The following DYSF variants were observed in gnomAD, a reference collection of about 807,000 sequenced individuals.
DYSF encodes the protein dysferlin.
Under a neutral mutation model 274.9 loss-of-function variants are expected in DYSF, and 212 were observed. The ratio of observed to expected loss-of-function variants is 0.77; its 90% confidence interval spans 0.69 to 0.86. The LOEUF is 0.86. Ranked by LOEUF, DYSF falls within the 40% of genes least tolerant of loss-of-function variation. DYSF has a pLI of 0.00. For missense variants in DYSF, 2,666 were observed against 2,783.2 expected, an observed-to-expected ratio of 0.96 and a Z score of 0.95; for synonymous variants, 1,091 against 1,078.7, an observed-to-expected ratio of 1.01 and a Z score of -0.22.
At chr2:71,594,647 A>G (rs922052825) in intron 32 of DYSF, among the ~76,000 whole-genome samples, 4 of 151,848 alleles carry the variant, frequency 2.6e-5, no homozygotes, top group African/African-American at 9.7e-5. Flanking sequence ...TGCTCCCTTC[A>G]TCCCCTCAGC....
At chr2:71,585,203 A>T (rs2093026160) in intron 30 of DYSF, among the ~76,000 whole-genome samples, 1 of 152,260 alleles carries the variant, frequency 6.6e-6, no homozygotes, top group South Asian at 2.1e-4. Flanking sequence ...CGCACAGGAC[A>T]GCCTCATAGC....
At chr2:71,639,022 C>T (rs904653229) in intron 41 of DYSF, among the ~76,000 whole-genome samples, 1 of 152,224 alleles carries the variant, frequency 6.6e-6, no homozygotes, top group African/African-American at 2.4e-5. Context: ...GATAGCCATT[C>T]TAGCAGGTGT....
Position 71,685,056 on chromosome 2 carries a change from G to A in DYSF, c.6322-1398G>A, listed in dbSNP as rs540475272. On this transcript the variant is annotated intron_variant, in intron 55 of 55. Coordinates refer to ENST00000410020, the MANE Select transcript of DYSF (RefSeq NM_001130987.2). ...GCCCCTGCCAGCTGCACCCTGCACTGCTAGGCTACTGGGCAGCAGATCTAG... is the reference window on the plus strand; with the variant it reads ...GCCCCTGCCAGCTGCACCCTGCACTACTAGGCTACTGGGCAGCAGATCTAG... Among the ~76,000 whole-genome samples the A allele has an allele frequency of 1.8e-3, 272 of 152,348 alleles. 1 individual carries two copies. The highest frequency in any genetic ancestry group is 8.7e-3 in the South Asian group (42 of 4,828).
intron 1 of DYSF, among the ~76,000 whole-genome samples, chr2:71,460,241 G>A (rs892629069): frequency 6.6e-6 from 1 of 152,202 alleles, no homozygotes; most frequent in Non-Finnish European, 1.5e-5. Context: ...CGTGGTCCAT[G>A]ATGGCGCACG....
At chr2:71,539,127 G>A (rs911077006) in intron 16 of DYSF, 30 bp from the exon 17 acceptor site, 4 of 1,603,206 alleles carry the variant, frequency 2.5e-6, no homozygotes, top group Non-Finnish European at 2.6e-6. Flanking sequence ...CCTTTCCTGT[G>A]TTCAGGCCCT....
chr2:71,569,225 C>A (rs957825480), intron 26 of DYSF, among the ~76,000 whole-genome samples: 1 of 152,142 alleles, frequency 6.6e-6, no homozygotes, highest in African/African-American at 2.4e-5. Flanking sequence ...TGGGTGTGGC[C>A]CCATCCTCAA....
chr2:71,503,551 C>T lies in DYSF; in HGVS notation c.345+232C>T, dbSNP rs79388826. Among the ~76,000 whole-genome samples the T allele has an allele frequency of 0.021, 3,199 of 152,224 alleles. 108 individuals are homozygous for T. The highest frequency in any genetic ancestry group is 0.07 in the African/African-American group (2,895 of 41,530). On this transcript the variant is annotated intron_variant, in intron 4 of 55. Coordinates refer to ENST00000410020, the MANE Select transcript of DYSF (RefSeq NM_001130987.2). ...TGCAGGGCTCAAGTCAGCCTTGGCT[C>T]GCAGCAGCTTGGCCTGCCCCTTGGT...
At chr2:71,501,877 G>A (rs1344086316) in intron 3 of DYSF, among the ~76,000 whole-genome samples, 5 of 152,122 alleles carry the variant, frequency 3.3e-5, no homozygotes, top group Non-Finnish European at 7.3e-5. Flanking sequence ...CAAATATCTA[G>A]GTCCCTGATT....
intron 33 of DYSF, among the ~76,000 whole-genome samples, chr2:71,600,150 A>ACAGATCTGTCTTCTGGGCGG (rs2093514351): frequency 6.6e-6 from 1 of 152,174 alleles, no homozygotes; most frequent in South Asian, 2.1e-4. Flanking sequence ...ATCCAGTGTG[A>ACAGATCTGTCTTCTGGGCGG]CAGATCTGTC....
intron 1 of DYSF, among the ~76,000 whole-genome samples, chr2:71,460,988 C>A (rs56988800): frequency 0.026 from 3,905 of 151,256 alleles, 85 homozygotes; most frequent in African/African-American, 0.058. Context: ...TTGTAATATC[C>A]AAAAGTCCCT....
intron 36 of DYSF, among the ~76,000 whole-genome samples, chr2:71,606,966 C>T (rs1445038749): frequency 3.3e-5 from 5 of 152,296 alleles, no homozygotes; most frequent in Non-Finnish European, 5.9e-5. Flanking sequence ...TCTTCCCCTT[C>T]AGTTATCCAT....
chr2:71,614,558 C>G (rs1308189592), intron 40 of DYSF, among the ~76,000 whole-genome samples: 1 of 152,192 alleles, frequency 6.6e-6, no homozygotes, highest in African/African-American at 2.4e-5. Flanking sequence ...GGAGTCTTTC[C>G]TGGCTCCTCT....
intron 1 of DYSF, 33 bp from the exon 2 acceptor site, chr2:71,480,850 G>A: frequency 6.2e-7 from 1 of 1,603,398 alleles, no homozygotes; most frequent in East Asian, 2.2e-5. Flanking sequence ...GGCGGGATGT[G>A]TCTCTCCATT....
intron 30 of DYSF, among the ~76,000 whole-genome samples, chr2:71,584,681 G>A (rs2093006796): frequency 6.6e-6 from 1 of 152,190 alleles, no homozygotes; most frequent in African/African-American, 2.4e-5. Context: ...ATGTTGGACT[G>A]GGTGCAGGGG....
At chr2:71,498,053 G>T (rs913048412) in intron 3 of DYSF, among the ~76,000 whole-genome samples, 15 of 152,132 alleles carry the variant, frequency 9.9e-5, no homozygotes, top group African/African-American at 3.6e-4. Flanking sequence ...AAACTTGATT[G>T]TTGAGGCCTG....
At chr2:71,527,717 G>A (rs2088109863) in intron 13 of DYSF, among the ~76,000 whole-genome samples, 1 of 152,116 alleles carries the variant, frequency 6.6e-6, no homozygotes, top group South Asian at 2.1e-4. Context: ...CCACTCATAT[G>A]TCTGTAAACA....
intron 12 of DYSF, 119 bp from the exon 13 acceptor site, chr2:71,526,101 G>T (rs1212527825): frequency 1.4e-5 from 22 of 1,574,010 alleles, no homozygotes; most frequent in Non-Finnish European, 1.7e-5. Context: ...GTGTCGGAGC[G>T]CAGTCTGCCT....
In DYSF at chr2:71,468,401, G is replaced by A. The variant is rs139977801; in HGVS notation, c.91+1468G>A. ...AAATTGAAACCCAGGGAAGTTAAAT[G>A]TGTTCAGGTCAGTGGTCATGGCAGG... On this transcript the variant is annotated intron_variant, in intron 1 of 55. Coordinates refer to ENST00000410020, the MANE Select transcript of DYSF (RefSeq NM_001130987.2). Among the ~76,000 whole-genome samples, 382 of 152,324 alleles carry A rather than the reference G, an allele frequency of 2.5e-3. 3 individuals carry two copies. The highest frequency in any genetic ancestry group is 9.1e-3 in the African/African-American group (378 of 41,574).
chr2:71,620,150 G>A (rs2152894198), intron 40 of DYSF, among the ~76,000 whole-genome samples: 1 of 152,316 alleles, frequency 6.6e-6, no homozygotes, highest in East Asian at 1.9e-4. Flanking sequence ...GGATGCTGGG[G>A]TTGGAGTGTC....
Sources: allele counts gnomAD v4.1 joint callset (sites outside exome capture counted in the v4.1 genomes callset), GRCh38; gene constraint gnomAD v4.1.1; transcripts MANE v1.5; gene names NCBI Gene and HGNC (gene_info 2026-07-23, HGNC 2026-07-21).